Variants in KLKB1 observed in about 807,000 individuals in gnomAD.
The protein encoded by KLKB1 is kallikrein B1.
Under a neutral mutation model 73.6 loss-of-function variants are expected in KLKB1, and 58 were observed. The observed-to-expected ratio is 0.79, with a 90% CI of 0.64 to 0.98. The LOEUF (loss-of-function observed/expected upper bound fraction) is 0.98. KLKB1 is among the 50% of genes least tolerant of loss of function. The probability of loss-of-function intolerance (pLI) is 0.00; values close to 1 mark genes in which losing one functional copy is unlikely to be tolerated. For missense variants in KLKB1, 737 were observed against 763.8 expected (o/e 0.96, Z 0.41); for synonymous variants, 280 against 258.1 (o/e 1.08, Z -0.81).
intron 6 of KLKB1, among the ~76,000 whole-genome samples, chr4:186,243,381 CT>C (rs1463856541): frequency 6.6e-6 from 1 of 152,058 alleles, no homozygotes; most frequent in Non-Finnish European, 1.5e-5. Context: ...AATTATTTGC[CT>C]TGTGTGGGAA....
intron 6 of KLKB1, among the ~76,000 whole-genome samples, chr4:186,249,500 C>T (rs577105816): frequency 5.8e-4 from 88 of 152,290 alleles, no homozygotes; most frequent in African/African-American, 1.8e-3. Context: ...CAGTTACACA[C>T]AGTCTTGATT....
chr4:186,245,193 G>T (rs1254242882), intron 6 of KLKB1, among the ~76,000 whole-genome samples: 1 of 152,192 alleles, frequency 6.6e-6, no homozygotes, highest in Non-Finnish European at 1.5e-5. Flanking sequence ...AAGCCTGGCG[G>T]TCAATACCTA....
chr4:186,251,899 G>T, intron 10 of KLKB1, 38 bp downstream of exon 10: 1 of 1,598,224 alleles, frequency 6.3e-7, no homozygotes, highest in Non-Finnish European at 8.6e-7. Context: ...TGTCAGGGAT[G>T]TCTGTCATGT....
At chr4:186,234,604 C>T (rs979169359) in intron 4 of KLKB1, among the ~76,000 whole-genome samples, 6 of 152,320 alleles carry the variant, frequency 3.9e-5, no homozygotes, top group African/African-American at 1.4e-4. Flanking sequence ...TGGCCCAAAA[C>T]GTCAACAGTG....
At chr4:186,227,146 G>A (rs1434034414), upstream of KLKB1, among the ~76,000 whole-genome samples, 1 of 152,156 alleles carries the variant, frequency 6.6e-6, no homozygotes, top group African/African-American at 2.4e-5. Flanking sequence ...GCCCAGGCTT[G>A]AAGGTGAGAT....
intron 4 of KLKB1, among the ~76,000 whole-genome samples, chr4:186,236,113 CAAAAAAAA>C (rs57285912): frequency 8.8e-6 from 1 of 113,774 alleles, no homozygotes; most frequent in Non-Finnish European, 1.8e-5. Flanking sequence ...GACTCCGTCT[CAAAAAAAA>C]AAAAAAAAAA....
At chr4:186,231,994 C>A in intron 2 of KLKB1, 133 bp from the exon 3 acceptor site, 1 of 626,240 alleles carries the variant, frequency 1.6e-6, no homozygotes, top group Non-Finnish European at 2.7e-6. Context: ...ATTTTATTTT[C>A]TCAGCATAAT....
At chr4:186,244,917 A>G (rs1478718159) in intron 6 of KLKB1, among the ~76,000 whole-genome samples, 1 of 152,116 alleles carries the variant, frequency 6.6e-6, no homozygotes, top group Non-Finnish European at 1.5e-5. Context: ...GGTGCACGAT[A>G]GGTTGCCAAG....
At chr4:186,242,748 A>C (rs1352230825) in intron 6 of KLKB1, among the ~76,000 whole-genome samples, 1 of 152,224 alleles carries the variant, frequency 6.6e-6, no homozygotes, top group East Asian at 1.9e-4. Context: ...TTTGGGCTCT[A>C]TCCTTGACAG....
intron 2 of KLKB1, among the ~76,000 whole-genome samples, chr4:186,220,452 T>C (rs1737008290): frequency 6.6e-6 from 1 of 152,202 alleles, no homozygotes; most frequent in Non-Finnish European, 1.5e-5. Context: ...TTTGGACCTT[T>C]TGACCAAAAC....
chr4:186,245,807 T>TTTTG (rs1738302448), intron 6 of KLKB1, among the ~76,000 whole-genome samples: 1 of 89,954 alleles, frequency 1.1e-5, no homozygotes, highest in African/African-American at 4.2e-5. Flanking sequence ...TTGGAGTTTT[T>TTTTG]TTTTGTTTGT....
In KLKB1 at chr4:186,257,744, A is replaced by AGTGTGTGTGT. The variant is rs67371055; in HGVS notation, c.1726-250_1726-241dup. Among the ~76,000 whole-genome samples, 574 of 147,194 alleles carry AGTGTGTGTGT rather than the reference A, an allele frequency of 3.9e-3. 4 individuals carry two copies. The highest frequency in any genetic ancestry group is 0.013 in the African/African-American group (529 of 39,692). On this transcript the variant is annotated intron_variant, in intron 14 of 14. Coordinates refer to ENST00000264690, the MANE Select transcript of KLKB1 (RefSeq NM_000892.5). ...ACTTGGAGAACTTTAAGAAAGAGTGAGTGTGTGTGTGTGTGTGTGTGTGTG... is the reference window on the plus strand; with the variant it reads ...ACTTGGAGAACTTTAAGAAAGAGTGAGTGTGTGTGTGTGTGTGTGTGTGTGTGTGTGTGTG...
intron 2 of KLKB1, among the ~76,000 whole-genome samples, chr4:186,216,749 A>T (rs1445305584): frequency 6.6e-6 from 1 of 152,018 alleles, no homozygotes; most frequent in African/African-American, 2.4e-5. Context: ...CTTCCCCGTG[A>T]CCCATCTCAA....
intron 2 of KLKB1, among the ~76,000 whole-genome samples, chr4:186,229,365 A>G (rs950197965): frequency 6.6e-6 from 1 of 152,208 alleles, no homozygotes; most frequent in Non-Finnish European, 1.5e-5. Flanking sequence ...ATATTTTTCT[A>G]CATATACCTA....
intron 2 of KLKB1, among the ~76,000 whole-genome samples, chr4:186,218,711 G>A (rs766084989): frequency 4.6e-5 from 7 of 151,804 alleles, no homozygotes; most frequent in South Asian, 2.1e-4. Context: ...TCATGTATAC[G>A]ATACAGTATT....
chr4:186,232,333 CT>C, intron 3 of KLKB1, 44 bp downstream of exon 3: 1 of 1,572,018 alleles, frequency 6.4e-7, no homozygotes, highest in Non-Finnish European at 8.8e-7. Context: ...TTTTTCAAAA[CT>C]GAATCAGTTT....
upstream of KLKB1, among the ~76,000 whole-genome samples, chr4:186,225,005 ACT>A (rs1307697404): frequency 6.6e-6 from 1 of 151,114 alleles, no homozygotes; most frequent in East Asian, 1.9e-4. Context: ...GCACATACAC[ACT>A]CTCTCTCTCG....
intron 2 of KLKB1, among the ~76,000 whole-genome samples, chr4:186,230,849 T>G (rs993403048): frequency 6.6e-6 from 1 of 152,056 alleles, no homozygotes; most frequent in Non-Finnish European, 1.5e-5. Context: ...CTGAAAAAAA[T>G]AGGCCTTTTT....
intron 13 of KLKB1, among the ~76,000 whole-genome samples, chr4:186,256,742 A>C (rs1281815796): frequency 6.6e-6 from 1 of 152,198 alleles, no homozygotes; most frequent in Non-Finnish European, 1.5e-5. Context: ...GAAACGATAT[A>C]GTTGTAAATT....
Sources: allele counts gnomAD v4.1 joint callset (sites outside exome capture counted in the v4.1 genomes callset), GRCh38; gene constraint gnomAD v4.1.1; transcripts MANE v1.5; gene names NCBI Gene and HGNC (gene_info 2026-07-23, HGNC 2026-07-21).